Variants in ARFGAP3 observed in about 807,000 individuals in gnomAD.
The protein encoded by ARFGAP3 is ARF GTPase activating protein 3, also known as ADP-ribosylation factor GTPase-activating protein 3.
ARFGAP3 carries 72 observed loss-of-function variants against 75.0 expected under a neutral mutation model. That is an observed-to-expected ratio of 0.96 (90% CI 0.79 to 1.17). ARFGAP3 has a LOEUF of 1.17. Ranked by LOEUF, ARFGAP3 falls within the 50% of genes most tolerant of loss-of-function variation. The probability of loss-of-function intolerance (pLI) is 0.00; values close to 1 mark genes in which losing one functional copy is unlikely to be tolerated. For missense variants in ARFGAP3, 620 were observed against 626.6 expected, an observed-to-expected ratio of 0.99 and a Z score of 0.11; for synonymous variants, 221 against 217.9, an observed-to-expected ratio of 1.01 and a Z score of -0.13.
At chr22:42,799,624 C>T (rs1325815468) in intron 14 of ARFGAP3, among the ~76,000 whole-genome samples, 1 of 152,220 alleles carries the variant, frequency 6.6e-6, no homozygotes, top group African/African-American at 2.4e-5. Flanking sequence ...TGTCCACAGG[C>T]ATGGGCACAT....
In ARFGAP3 at chr22:42,797,541, C is replaced by T. The variant is rs763151741; in HGVS notation, c.*47G>A. On this transcript the variant is annotated 3_prime_UTR_variant, in exon 16 of 16. Coordinates refer to ENST00000263245, the MANE Select transcript of ARFGAP3 (RefSeq NM_014570.5). ...GCCGCCTGAGATGTGGTTACTTGTT[C>T]ATTTAAAGAGGAATTTCTCCAGGAA... 6.2e-7 allele frequency: 1 copy of T among 1,613,452 alleles called. No individual in the cohort carries two copies. Among genetic ancestry groups the T allele is most frequent in the Admixed American group, 1.7e-5 (1 of 59,998 alleles).
At chr22:42,825,092 CACAA>C (rs750393053) in intron 7 of ARFGAP3, among the ~76,000 whole-genome samples, 28 of 152,128 alleles carry the variant, frequency 1.8e-4, no homozygotes, top group Non-Finnish European at 3.4e-4. Flanking sequence ...ACTCCATCTC[CACAA>C]ACAAACAAAC....
chr22:42,820,759 T>C (rs530520294), intron 9 of ARFGAP3, among the ~76,000 whole-genome samples: 2 of 152,320 alleles, frequency 1.3e-5, no homozygotes, highest in South Asian at 4.1e-4. Flanking sequence ...CTCCTGATCT[T>C]TGGTACAGTC....
At chr22:42,827,918 T>G (rs899021982) in intron 6 of ARFGAP3, among the ~76,000 whole-genome samples, 36 of 152,160 alleles carry the variant, frequency 2.4e-4, no homozygotes, top group Non-Finnish European at 1.8e-4. Flanking sequence ...GTGTTGGTAT[T>G]ACAGGCGTGA....
At chr22:42,823,437 T>C (rs1019444008) in intron 8 of ARFGAP3, among the ~76,000 whole-genome samples, 2 of 152,078 alleles carry the variant, frequency 1.3e-5, no homozygotes, top group Non-Finnish European at 2.9e-5. Flanking sequence ...AATTTTGTCA[T>C]AGACAGAAAA....
rs141571533 is a variant in ARFGAP3, at chr22:42,817,733, T to C, written c.937A>G (p.Arg313Gly). The change falls in exon 10 of 16, where the codon AGA becomes GGA. Residue 313 changes from arginine to glycine, a missense_variant. Physicochemically the swap from Arg to Gly is moderately radical, Grantham distance 125 (BLOSUM62 -2). Transcript: ENST00000263245. ...CAAGAAAGCAGTCTCACATACCTTC[T>C]GCAATTTCCAAATCCCATGCCGAGT... ...DRLGMGFGNCRSVISHSVTSD... is the reference protein window; with the variant it reads ...DRLGMGFGNCGSVISHSVTSD... 2 of 1,611,240 alleles carry C rather than the reference T, an allele frequency of 1.2e-6. No individual in the cohort carries two copies. Among genetic ancestry groups the C allele is most frequent in the Non-Finnish European group, 1.7e-6 (2 of 1,178,222 alleles).
At chr22:42,824,388 A>G (rs1465768538) in intron 7 of ARFGAP3, among the ~76,000 whole-genome samples, 1 of 151,510 alleles carries the variant, frequency 6.6e-6, no homozygotes, top group African/African-American at 2.4e-5. Flanking sequence ...AGATGGTCTC[A>G]CTCCATTACC....
intron 1 of ARFGAP3, among the ~76,000 whole-genome samples, chr22:42,850,084 C>T (rs1927206995): frequency 6.6e-6 from 1 of 152,040 alleles, no homozygotes; most frequent in African/African-American, 2.4e-5. Flanking sequence ...ACACTGAAGC[C>T]CAACAGGAGC....
chr22:42,844,973 G>A (rs1349036456), intron 2 of ARFGAP3, among the ~76,000 whole-genome samples: 1 of 152,126 alleles, frequency 6.6e-6, no homozygotes, highest in East Asian at 1.9e-4. Flanking sequence ...CTGCCCCTCA[G>A]GCTCTAGGTC....
chr22:42,843,060 G>A (rs972173996), intron 2 of ARFGAP3, among the ~76,000 whole-genome samples: 5 of 152,040 alleles, frequency 3.3e-5, no homozygotes, highest in Non-Finnish European at 5.9e-5. Flanking sequence ...GGCCAGGAAA[G>A]GACAGCTCAG....
chr22:42,827,273 G>A (rs1468876694), intron 6 of ARFGAP3, among the ~76,000 whole-genome samples: 2 of 152,136 alleles, frequency 1.3e-5, no homozygotes, highest in Admixed American at 6.5e-5. Flanking sequence ...CTTATGATCT[G>A]GTGATTTAAT....
Position 42,857,175 on chromosome 22 carries a change from T to TC in ARFGAP3, c.7dup (p.Asp3GlyfsTer20), listed in dbSNP as rs1409301176. ...GGTCAAGATGTCCTGCTTGCTGGGG[T>TC]CCCCCATCGTCAGCTGTGAGCCGCG... On this transcript the variant is annotated frameshift_variant, in exon 1 of 16. Coordinates refer to ENST00000263245, the MANE Select transcript of ARFGAP3 (RefSeq NM_014570.5). LOFTEE classifies it high-confidence loss of function. 1 of 1,512,614 alleles carries TC rather than the reference T, an allele frequency of 6.6e-7. No individual in the cohort carries two copies. Among genetic ancestry groups the TC allele is most frequent in the Non-Finnish European group, 8.9e-7 (1 of 1,127,974 alleles). The allele number at this position is 1,512,614 out of a possible 1,614,324, so 93.7% of individuals were successfully genotyped here. A position where few individuals can be genotyped will look rare whatever the true frequency, so the allele number is the denominator to read the frequency against.
intron 1 of ARFGAP3, among the ~76,000 whole-genome samples, chr22:42,849,933 A>G (rs1395353331): frequency 6.6e-6 from 1 of 152,162 alleles, no homozygotes; most frequent in East Asian, 1.9e-4. Context: ...TGTTTGCTGA[A>G]TAGTTGTGTA....
chr22:42,806,806 G>A (rs887693923), intron 14 of ARFGAP3, among the ~76,000 whole-genome samples: 3 of 152,172 alleles, frequency 2.0e-5, no homozygotes, highest in Admixed American at 6.5e-5. Flanking sequence ...TAGCACAGCC[G>A]CACTCAGCTA....
At chr22:42,839,348 C>T (rs1926677924) in intron 3 of ARFGAP3, among the ~76,000 whole-genome samples, 2 of 151,604 alleles carry the variant, frequency 1.3e-5, no homozygotes, top group Admixed American at 6.6e-5. Flanking sequence ...CCTGTAATTC[C>T]AGCACTTTGA....
In ARFGAP3 at chr22:42,817,241, G is replaced by C; in HGVS notation, c.965C>G (p.Ser322Ter). 6.2e-7 allele frequency: 1 copy of C among 1,610,834 alleles called. No individual in the cohort carries two copies. Among genetic ancestry groups the C allele is most frequent in the Non-Finnish European group, 8.5e-7 (1 of 1,178,314 alleles). Residue 322 changes from serine to a stop codon, truncating the protein, a stop_gained, in exon 11 of 16, where the codon TCA becomes TGA. Coordinates refer to ENST00000263245, the MANE Select transcript of ARFGAP3 (RefSeq NM_014570.5). LOFTEE classifies it high-confidence loss of function. ...TTCCTGCTCTATGGTCTGCATATCT[G>C]AAGTCACTGAATGTGAAATAACACT... is the stretch of plus-strand genomic sequence containing the variant. ...CRSVISHSVT[S>*]DMQTIEQESP...
chr22:42,819,758 G>A (rs1310447612), intron 9 of ARFGAP3, among the ~76,000 whole-genome samples: 2 of 152,166 alleles, frequency 1.3e-5, no homozygotes, highest in Non-Finnish European at 2.9e-5. Context: ...TTACTGAGCC[G>A]AAATAACTTT....
chr22:42,842,655 G>A (rs1420405139), intron 2 of ARFGAP3, among the ~76,000 whole-genome samples: 7 of 151,278 alleles, frequency 4.6e-5, no homozygotes, highest in Non-Finnish European at 1.0e-4. Flanking sequence ...TGCCATGTTC[G>A]CCAGGCTAGT....
rs1602125183 is a variant in ARFGAP3 at position 42,840,823 on chromosome 22, A to G, written c.261+121T>C. The G allele has an allele frequency of 3.8e-6, 4 of 1,043,582 alleles. No homozygotes were observed. In the East Asian group the frequency reaches 1.0e-4, roughly 27 times the overall value. The allele number at this position is 1,043,582 out of a possible 1,614,324, so 64.6% of individuals were successfully genotyped here. On this transcript the variant is annotated intron_variant, in intron 3 of 15. Coordinates refer to ENST00000263245, the MANE Select transcript of ARFGAP3 (RefSeq NM_014570.5). ...GATCCTCCCAAACGCCTGTAATTTC[A>G]GCCTCCCAAATGGCTGAGATTACAG...
Sources: gnomAD v4.1 joint callset for allele counts (sites outside exome capture counted in the v4.1 genomes callset) on GRCh38, gnomAD v4.1.1 for gene constraint, MANE v1.5 for transcripts, NCBI Gene and HGNC (gene_info 2026-07-23, HGNC 2026-07-21) for gene names.